The following RRN3 variants were observed in gnomAD, a reference collection of about 807,000 sequenced individuals.
RRN3 encodes RNA polymerase I transcription factor RRN3.
A neutral mutation model predicts 82.3 loss-of-function variants in RRN3; 38 were observed. The ratio of observed to expected loss-of-function variants is 0.46; its 90% CI spans 0.36 to 0.61. RRN3 has a LOEUF of 0.61. Ranked by LOEUF, RRN3 falls within the 20% of genes least tolerant of loss-of-function variation. The probability of loss-of-function intolerance (pLI) is 0.00; values close to 1 mark genes in which losing one functional copy is unlikely to be tolerated. For synonymous variants in RRN3, 284 were observed against 284.3 expected (o/e 1.00, Z 0.01); for missense variants, 726 against 793.1 (o/e 0.92, Z 1.02).
intron 3 of RRN3, among the ~76,000 whole-genome samples, chr16:15,087,004 G>A (rs1295229415): frequency 1.3e-5 from 2 of 152,066 alleles, no homozygotes; most frequent in East Asian, 3.9e-4. Context: ...TATTTTTCGG[G>A]CAATCAAATT....
At chr16:15,088,090 TG>T (rs2045980158) in intron 3 of RRN3, among the ~76,000 whole-genome samples, 1 of 151,536 alleles carries the variant, frequency 6.6e-6, no homozygotes, top group African/African-American at 2.4e-5. Flanking sequence ...CACTCCAGCC[TG>T]GGCAACAAGA....
At chr16:15,089,427 AGAGT>A (rs1333864741) in intron 3 of RRN3, among the ~76,000 whole-genome samples, 1 of 152,184 alleles carries the variant, frequency 6.6e-6, no homozygotes, top group Non-Finnish European at 1.5e-5. Context: ...AAGAATCAAC[AGAGT>A]GAGAAAAGAG....
chr16:15,061,633 C>A lies in RRN3; in HGVS notation c.*111G>T. The A allele has an allele frequency of 1.0e-6, 1 of 978,374 alleles. No homozygotes were observed. Among genetic ancestry groups the A allele is most frequent in the African/African-American group, 1.6e-5 (1 of 62,064 alleles). The allele number at this position is 978,374 out of a possible 1,614,324, so 60.6% of individuals were successfully genotyped here. ...CTGGAAGTGCCACAGCCGAGGCAGG[C>A]ACTCGCTCTAGTTCAATGCCATCAA... is the stretch of plus-strand genomic sequence containing the variant. On this transcript the variant is annotated 3_prime_UTR_variant, in exon 18 of 18. Coordinates refer to ENST00000198767, the MANE Select transcript of RRN3 (RefSeq NM_018427.5).
chr16:15,090,129 G>C (rs1322448830), intron 3 of RRN3, among the ~76,000 whole-genome samples: 1 of 151,976 alleles, frequency 6.6e-6, no homozygotes, highest in Non-Finnish European at 1.5e-5. Context: ...AGAATTGCTT[G>C]AACCCAGGAG....
intron 16 of RRN3, among the ~76,000 whole-genome samples, chr16:15,063,792 A>G (rs1054084049): frequency 6.6e-6 from 1 of 152,054 alleles, no homozygotes; most frequent in African/African-American, 2.4e-5. Context: ...TCTGTATAAG[A>G]GTTCATTCAC....
chr16:15,074,827 G>A lies in RRN3; in HGVS notation c.893C>T (p.Ala298Val), dbSNP rs2045382955. 2 of 1,612,914 alleles carry A rather than the reference G, an allele frequency of 1.2e-6. No individual in the cohort carries two copies. Among genetic ancestry groups the A allele is most frequent in the South Asian group, 1.1e-5 (1 of 90,894 alleles). The stretch of plus-strand genomic sequence containing the variant: ...CATCTGGTCGAGCCGTTCAGGACCA[G>A]CCTTTGTTTCATGTTCAGTTTCTTC... ...EDEETEHETK[A>V]GPERLDQMVH... Residue 298 changes from alanine to valine, a missense_variant, in exon 11 of 18, where the codon GCT (alanine) becomes GTT (valine). Ala to Val is a moderately conservative substitution (Grantham distance 64, BLOSUM62 0). Transcript: ENST00000198767.
chr16:15,064,354 T>C (rs1446414593), intron 16 of RRN3, among the ~76,000 whole-genome samples: 5 of 152,166 alleles, frequency 3.3e-5, no homozygotes, highest in Non-Finnish European at 5.9e-5. Flanking sequence ...TTTGTATTTT[T>C]AGTAAAGACA....
intron 6 of RRN3, 27 bp downstream of exon 6, chr16:15,085,612 C>T: frequency 6.2e-7 from 1 of 1,606,642 alleles, no homozygotes; most frequent in Non-Finnish European, 8.5e-7. Context: ...GCTACTGTGC[C>T]CAGGCTTTAA....
At chr16:15,077,284 T>C (rs546710280) in intron 9 of RRN3, among the ~76,000 whole-genome samples, 1 of 152,106 alleles carries the variant, frequency 6.6e-6, no homozygotes, top group South Asian at 2.1e-4. Context: ...TGGCCCCAAA[T>C]CTCATCTTGA....
At chr16:15,064,422 G>A (rs547295891) in intron 16 of RRN3, among the ~76,000 whole-genome samples, 4 of 152,196 alleles carry the variant, frequency 2.6e-5, no homozygotes, top group East Asian at 1.9e-4. Flanking sequence ...TGATCCGCCC[G>A]CCTCAGCCTC....
intron 10 of RRN3, among the ~76,000 whole-genome samples, chr16:15,075,861 C>T (rs986819209): frequency 5.9e-5 from 9 of 152,156 alleles, no homozygotes; most frequent in Non-Finnish European, 1.3e-4. Flanking sequence ...TACTGGCGGC[C>T]AATAGCTCAC....
rs1274337441 is a variant in RRN3, at chr16:15,065,165, C to T, written c.1706+54G>A. On this transcript the variant is annotated intron_variant, in intron 16 of 17. Coordinates refer to ENST00000198767, the MANE Select transcript of RRN3 (RefSeq NM_018427.5). ...TGGGCGACAGAGTGAGACTCCGTCTCAAAAAAAAAAAAAAAATCCACCTCC... is the reference window on the plus strand; with the variant it reads ...TGGGCGACAGAGTGAGACTCCGTCTTAAAAAAAAAAAAAAAATCCACCTCC... 6.8e-6 allele frequency: 7 copies of T among 1,027,670 alleles called. No individual in the cohort carries two copies. In the African/African-American group the frequency reaches 1.4e-4, roughly 21 times the overall value. The allele number at this position is 1,027,670 out of a possible 1,614,324, so 63.7% of individuals were successfully genotyped here. A position where few individuals can be genotyped will look rare whatever the true frequency, so the allele number is the denominator to read the frequency against.
At chr16:15,080,810 GTCTT>G (rs1008597712) in intron 8 of RRN3, among the ~76,000 whole-genome samples, 5 of 120,152 alleles carry the variant, frequency 4.2e-5, no homozygotes, top group Non-Finnish European at 9.4e-5. Context: ...GCAACCACTA[GTCTT>G]TCTATGAATC....
At chr16:15,076,873 T>C (rs1269321855) in intron 9 of RRN3, among the ~76,000 whole-genome samples, 4 of 152,118 alleles carry the variant, frequency 2.6e-5, no homozygotes, top group Non-Finnish European at 5.9e-5. Context: ...TACATACTTA[T>C]ATAAAATCGA....
chr16:15,074,840 G>C lies in RRN3; in HGVS notation c.880C>G (p.His294Asp), dbSNP rs766192896. ...CGTTCAGGACCAGCCTTTGTTTCATGTTCAGTTTCTTCATCTTCATCCTTT... is the reference window on the plus strand; with the variant it reads ...CGTTCAGGACCAGCCTTTGTTTCATCTTCAGTTTCTTCATCTTCATCCTTT... Reference protein sequence around the residue: ...FNMDEDEETEHETKAGPERLD... With the variant: ...FNMDEDEETEDETKAGPERLD... Residue 294 changes from histidine (H) to aspartate (D), a missense_variant, in exon 11 of 18, where the codon CAT (histidine) becomes GAT (aspartate). Coordinates refer to ENST00000198767, the MANE Select transcript of RRN3 (RefSeq NM_018427.5). 5 of 1,611,238 alleles carry C rather than the reference G, an allele frequency of 3.1e-6. No individual in the cohort carries two copies. Among genetic ancestry groups the C allele is most frequent in the Admixed American group, 3.4e-5 (2 of 59,390 alleles).
chr16:15,083,436 A>T, intron 8 of RRN3, 77 bp downstream of exon 8: 1 of 1,575,928 alleles, frequency 6.3e-7, no homozygotes, highest in Non-Finnish European at 8.6e-7. Flanking sequence ...GAAAAGAAAG[A>T]AAAAGACCTA....
chr16:15,062,346 G>C (rs1172086318), intron 17 of RRN3, among the ~76,000 whole-genome samples: 1 of 152,104 alleles, frequency 6.6e-6, no homozygotes, highest in Non-Finnish European at 1.5e-5. Context: ...AACACAATGT[G>C]AATGAATTAC....
chr16:15,064,867 C>T (rs1277586162), intron 16 of RRN3, among the ~76,000 whole-genome samples: 2 of 152,194 alleles, frequency 1.3e-5, no homozygotes, highest in Admixed American at 6.5e-5. Context: ...ACATGTATCA[C>T]GTTTAAATCC....
chr16:15,063,132 T>C, intron 17 of RRN3, 64 bp downstream of exon 17: 2 of 1,236,674 alleles, frequency 1.6e-6, no homozygotes, highest in Non-Finnish European at 2.4e-6. Flanking sequence ...CCACTTACTA[T>C]CTCACTGTGA....
Sources: allele counts gnomAD v4.1 joint callset (sites outside exome capture counted in the v4.1 genomes callset), GRCh38; gene constraint gnomAD v4.1.1; transcripts MANE v1.5; gene names NCBI Gene and HGNC (gene_info 2026-07-23, HGNC 2026-07-21).